Variants in SLC44A5 observed in about 807,000 individuals in gnomAD.
SLC44A5 encodes the protein choline transporter-like protein 5.
A neutral mutation model predicts 101.8 loss-of-function variants in SLC44A5; 57 were observed. The observed-to-expected ratio is 0.56, with a 90% confidence interval of 0.45 to 0.70. The LOEUF (loss-of-function observed/expected upper bound fraction) is 0.70. Among genes scored for constraint, SLC44A5 ranks in the 30% least tolerant of loss-of-function variants. The pLI is 0.00. For synonymous variants in SLC44A5, 281 were observed against 290.9 expected, an observed-to-expected ratio of 0.97 and a Z score of 0.35; for missense variants, 737 against 853.1, an observed-to-expected ratio of 0.86 and a Z score of 1.70.
chr1:75,610,025 CT>C (rs1248991889), intron 1 of SLC44A5, among the ~76,000 whole-genome samples: 1 of 151,904 alleles, frequency 6.6e-6, no homozygotes. Flanking sequence ...GTTGCAGGGT[CT>C]GTTCCCAAGA....
the SLC44A5 span, among the ~76,000 whole-genome samples, chr1:75,699,060 C>G: frequency 6.6e-6 from 1 of 152,068 alleles, no homozygotes; most frequent in Non-Finnish European, 1.5e-5. Flanking sequence ...GAGAATGGAA[C>G]CAAGTTGGAA....
intron 2 of SLC44A5, among the ~76,000 whole-genome samples, chr1:75,537,034 A>AAAAATATATATATG (rs1553199990): frequency 1.6e-4 from 3 of 18,634 alleles, no homozygotes; most frequent in African/African-American, 3.1e-4. Context: ...AAAAAAAAAA[A>AAAAATATATATATG]TATATATCTA....
intron 4 of SLC44A5, among the ~76,000 whole-genome samples, chr1:75,306,953 T>C (rs1333620181): frequency 2.0e-5 from 3 of 151,930 alleles, no homozygotes; most frequent in Non-Finnish European, 2.9e-5. Flanking sequence ...TTAGCCAGGA[T>C]GGTCTCGATC....
At chr1:75,301,201 T>C (rs1654425296) in intron 4 of SLC44A5, among the ~76,000 whole-genome samples, 1 of 152,096 alleles carries the variant, frequency 6.6e-6, no homozygotes, top group Non-Finnish European at 1.5e-5. Flanking sequence ...ATATAAAGCA[T>C]TAAAAATAAA....
intron 2 of SLC44A5, among the ~76,000 whole-genome samples, chr1:75,517,884 G>A (rs919650775): frequency 2.6e-5 from 4 of 152,136 alleles, no homozygotes; most frequent in African/African-American, 9.7e-5. Flanking sequence ...GCCAGAGAGG[G>A]CCAAGAAATC....
chr1:75,673,733 G>A, the SLC44A5 span, among the ~76,000 whole-genome samples: 1 of 152,126 alleles, frequency 6.6e-6, no homozygotes, highest in Non-Finnish European at 1.5e-5. Context: ...GACTCTGCTT[G>A]TTTAGGGAAA....
chr1:75,523,648 A>G (rs1277019511), intron 2 of SLC44A5, among the ~76,000 whole-genome samples: 1 of 152,234 alleles, frequency 6.6e-6, no homozygotes, highest in African/African-American at 2.4e-5. Flanking sequence ...CAAAAACACA[A>G]CAACTTAAGA....
At chr1:75,518,334 A>G (rs1409699265) in intron 2 of SLC44A5, among the ~76,000 whole-genome samples, 3 of 152,254 alleles carry the variant, frequency 2.0e-5, no homozygotes, top group African/African-American at 7.2e-5. Context: ...TAATACATAT[A>G]AATAGGCATA....
chr1:75,394,723 G>A (rs973466196), intron 3 of SLC44A5, among the ~76,000 whole-genome samples: 3 of 152,084 alleles, frequency 2.0e-5, no homozygotes, highest in African/African-American at 4.8e-5. Context: ...TGTTAGCACA[G>A]TTAAGCTTTC....
At chr1:75,441,986 T>G (rs1409236436) in intron 2 of SLC44A5, among the ~76,000 whole-genome samples, 1 of 152,128 alleles carries the variant, frequency 6.6e-6, no homozygotes, top group Admixed American at 6.6e-5. Flanking sequence ...GGTGAACACA[T>G]ATTCTTCTTT....
chr1:75,587,667 A>G (rs924251503), intron 1 of SLC44A5, among the ~76,000 whole-genome samples: 1 of 152,206 alleles, frequency 6.6e-6, no homozygotes, highest in Non-Finnish European at 1.5e-5. Flanking sequence ...CCTCTTTCAA[A>G]GTATATATTA....
At chr1:75,265,461 T>C (rs1650908283) in intron 6 of SLC44A5, among the ~76,000 whole-genome samples, 2 of 151,936 alleles carry the variant, frequency 1.3e-5, no homozygotes, top group South Asian at 4.2e-4. Flanking sequence ...GGTACAAACA[T>C]AGAATTAGAT....
At chr1:75,366,139 C>A (rs1445145733) in intron 3 of SLC44A5, among the ~76,000 whole-genome samples, 1 of 152,094 alleles carries the variant, frequency 6.6e-6, no homozygotes, top group African/African-American at 2.4e-5. Flanking sequence ...TTTATACTTT[C>A]ATGTGTTTTC....
At chr1:75,310,944 T>C (rs139630623) in intron 4 of SLC44A5, among the ~76,000 whole-genome samples, 1 of 152,162 alleles carries the variant, frequency 6.6e-6, no homozygotes, top group East Asian at 1.9e-4. Flanking sequence ...AATTTTAAAT[T>C]TAAATTTAGC....
At chr1:75,210,852 G>T (rs1199570519) in intron 23 of SLC44A5, among the ~76,000 whole-genome samples, 1 of 152,002 alleles carries the variant, frequency 6.6e-6, no homozygotes, top group African/African-American at 2.4e-5. Context: ...TTTTCTCTAA[G>T]CCTTGTTGAG....
intron 2 of SLC44A5, among the ~76,000 whole-genome samples, chr1:75,457,870 AG>A (rs1484918727): frequency 6.6e-6 from 1 of 152,052 alleles, no homozygotes; most frequent in Admixed American, 6.5e-5. Context: ...AAAAAAAAAA[AG>A]TTCACTGAGG....
intron 18 of SLC44A5, among the ~76,000 whole-genome samples, chr1:75,216,479 C>T (rs1646964411): frequency 6.6e-6 from 1 of 151,818 alleles, no homozygotes; most frequent in African/African-American, 2.4e-5. Flanking sequence ...ATTTCTGGGT[C>T]ATATAAAATT....
intron 18 of SLC44A5, among the ~76,000 whole-genome samples, chr1:75,217,652 C>T (rs1261752569): frequency 6.6e-6 from 1 of 152,034 alleles, no homozygotes; most frequent in Non-Finnish European, 1.5e-5. Flanking sequence ...AATAGGATCA[C>T]ACACCTTTTC....
At chr1:75,456,633 G>GT (rs902502548) in intron 2 of SLC44A5, among the ~76,000 whole-genome samples, 20 of 152,246 alleles carry the variant, frequency 1.3e-4, no homozygotes, top group African/African-American at 4.8e-4. Context: ...TCTTCCTTAG[G>GT]TTTTTATTCT....
Sources: allele counts gnomAD v4.1 joint callset (sites outside exome capture counted in the v4.1 genomes callset), GRCh38; gene constraint gnomAD v4.1.1; transcripts MANE v1.5; gene names NCBI Gene and HGNC (gene_info 2026-07-23, HGNC 2026-07-21).